The following C1orf87 variants were observed in gnomAD, a reference collection of about 807,000 sequenced individuals.
The protein encoded by C1orf87 is chromosome 1 open reading frame 87.
In C1orf87, 58 loss-of-function variants were observed where a neutral mutation model predicts 60.5. The observed-to-expected ratio is 0.96, with a 90% confidence interval of 0.78 to 1.19. The LOEUF (loss-of-function observed/expected upper bound fraction) is 1.19. C1orf87 is among the 50% of genes most tolerant of loss of function. The pLI is 0.00. For synonymous variants in C1orf87, 236 were observed against 227.4 expected, an observed-to-expected ratio of 1.04 and a Z score of -0.34; for missense variants, 673 against 638.6, an observed-to-expected ratio of 1.05 and a Z score of -0.58.
chr1:60,041,608 AG>A (rs1377369076), intron 3 of C1orf87, among the ~76,000 whole-genome samples: 8 of 152,356 alleles, frequency 5.3e-5, no homozygotes, highest in African/African-American at 1.4e-4. Context: ...TGATAGAATT[AG>A]GATCAATAAT....
At chr1:60,033,393 C>G in intron 7 of C1orf87, 83 bp downstream of exon 7, 1 of 1,289,652 alleles carries the variant, frequency 7.8e-7, no homozygotes, top group Admixed American at 2.1e-5. Context: ...GAATATGGAT[C>G]AGCCCTGTGC....
Position 60,072,536 on chromosome 1 carries a change from C to T in C1orf87, c.107+1G>A. The T allele has an allele frequency of 6.3e-7, 1 of 1,598,496 alleles. No homozygotes were observed. The highest frequency in any genetic ancestry group is 1.1e-5 in the South Asian group (1 of 89,128). The stretch of plus-strand genomic sequence containing the variant: ...TAGATATTTTTCAAATATGGACTTA[C>T]ATCTTTGGCTTCTCCACGAGGTATT... On this transcript the variant is annotated splice_donor_variant, in intron 2 of 11. Coordinates refer to ENST00000371201, the MANE Select transcript of C1orf87 (RefSeq NM_152377.3). LOFTEE classifies it high-confidence loss of function.
chr1:60,062,686 A>G (rs779117384), intron 2 of C1orf87, among the ~76,000 whole-genome samples: 6 of 151,874 alleles, frequency 4.0e-5, no homozygotes, highest in Non-Finnish European at 5.9e-5. Flanking sequence ...TCTTTTTCCC[A>G]TTGATTTGGA....
intron 6 of C1orf87, among the ~76,000 whole-genome samples, chr1:60,036,488 A>G (rs1645277980): frequency 6.6e-6 from 1 of 152,322 alleles, no homozygotes; most frequent in South Asian, 2.1e-4. Context: ...AAAATAATAA[A>G]AACACTTACA....
intron 3 of C1orf87, among the ~76,000 whole-genome samples, chr1:60,042,766 G>A (rs1348784506): frequency 6.6e-6 from 1 of 152,216 alleles, no homozygotes; most frequent in Admixed American, 6.5e-5. Context: ...ATTTATGGTT[G>A]TCTAGTTTGG....
chr1:60,025,468 A>G lies in C1orf87; in HGVS notation c.1060T>C (p.Tyr354His), dbSNP rs1645192677. The G allele has an allele frequency of 6.8e-6, 11 of 1,613,312 alleles. No homozygotes were observed. Among genetic ancestry groups the G allele is most frequent in the Non-Finnish European group, 9.3e-6 (11 of 1,179,594 alleles). The change falls in exon 8 of 12, where the codon TAT (tyrosine) becomes CAT (histidine). Residue 354 changes from tyrosine to histidine, a missense_variant. Transcript: ENST00000371201. Reference sequence around the variant, plus strand: ...GTTTCCAGCAGGCTCAGGGTCAGATATAATCCATGCTTCCCACATATAGCC... The same window carrying G: ...GTTTCCAGCAGGCTCAGGGTCAGATGTAATCCATGCTTCCCACATATAGCC... The part of the protein sequence containing the change: ...VRAICGKHGL[Y>H]LTLSLLETLL...
At chr1:60,073,217 A>T (rs1557485207) in intron 1 of C1orf87, among the ~76,000 whole-genome samples, 1 of 152,172 alleles carries the variant, frequency 6.6e-6, no homozygotes, top group Non-Finnish European at 1.5e-5. Context: ...GTTATCACTG[A>T]TCTCTTTCTA....
rs370047320 is a variant in C1orf87 at position 60,010,454 on chromosome 1, C to T, written c.1130G>A (p.Trp377Ter). 118 of 1,611,942 alleles carry T rather than the reference C, an allele frequency of 7.3e-5. No individual in the cohort carries two copies. The highest frequency in any genetic ancestry group is 9.6e-5 in the Non-Finnish European group (113 of 1,178,630). The change falls in exon 9 of 12, where the codon TGG becomes TAG. Residue 377 changes from tryptophan to a stop codon, truncating the protein, a stop_gained and splice_region_variant. Transcript: ENST00000371201. LOFTEE classifies it high-confidence loss of function. ...GGTCAGCATCTCAACAAAATTCTGC[C>T]ATCTGTGCAAGAAAAGGAAACATAA... ...QDLGYQNEIKWQNFVEMLTRA... is the reference protein window; with the variant it reads ...QDLGYQNEIK
Position 60,055,164 on chromosome 1 carries a change from T to C in C1orf87, c.342+40A>G. On this transcript the variant is annotated intron_variant, in intron 3 of 11. Transcript: ENST00000371201. ...TATGTTTTTATCTATATTTTCCTAA[T>C]AAATTATCAAGATAAACGTGGGTAT... 3 of 1,496,660 alleles carry C rather than the reference T, an allele frequency of 2.0e-6. No individual in the cohort carries two copies. In the South Asian group the frequency reaches 3.4e-5, roughly 17 times the overall value. The allele number at this position is 1,496,660 out of a possible 1,614,324, so 92.7% of individuals were successfully genotyped here. A position where few individuals can be genotyped will look rare whatever the true frequency, so the allele number is the denominator to read the frequency against.
chr1:60,022,811 ACTGTGATACCATGACAGTCAAT>A (rs1392125822), intron 8 of C1orf87, among the ~76,000 whole-genome samples: 1 of 152,164 alleles, frequency 6.6e-6, no homozygotes, highest in Non-Finnish European at 1.5e-5. Context: ...GAACACAAGC[ACTGTGATACCATGACAGTCAAT>A]CTGATAACCA....
At chr1:60,047,746 A>G (rs1264776871) in intron 3 of C1orf87, among the ~76,000 whole-genome samples, 1 of 150,578 alleles carries the variant, frequency 6.6e-6, no homozygotes, top group Non-Finnish European at 1.5e-5. Flanking sequence ...AAAAAAAAAG[A>G]GAAAACCATC....
chr1:60,054,333 C>T (rs191021694), intron 3 of C1orf87, among the ~76,000 whole-genome samples: 1 of 152,272 alleles, frequency 6.6e-6, no homozygotes, highest in Admixed American at 6.5e-5. Context: ...AAAATTTGAT[C>T]CTTTGCATGG....
In C1orf87 at chr1:60,006,588, C is replaced by G. The variant is rs1189105809; in HGVS notation, c.1192+3804G>C. On this transcript the variant is annotated intron_variant, in intron 9 of 11. Transcript: ENST00000371201. ...TCAGCAGTCATACTGGAACTCTGCT[C>G]TTTGCTTTCTGCATCCTCTTCTTCT... Among the ~76,000 whole-genome samples the G allele has an allele frequency of 2.7e-5, 4 of 148,834 alleles. No homozygotes were observed. In the East Asian group the frequency reaches 7.7e-4, roughly 29 times the overall value.
intron 10 of C1orf87, 84 bp downstream of exon 10, chr1:60,000,993 G>A (rs1644998966): frequency 8.8e-7 from 1 of 1,132,980 alleles, no homozygotes; most frequent in South Asian, 1.3e-5. Flanking sequence ...AAAACCCACA[G>A]GAGAGAGCCC....
At chr1:60,021,395 C>G (rs1051433967) in intron 8 of C1orf87, among the ~76,000 whole-genome samples, 2 of 152,104 alleles carry the variant, frequency 1.3e-5, no homozygotes, top group African/African-American at 4.8e-5. Context: ...TAAGTGTTAG[C>G]AAATAAAATG....
intron 2 of C1orf87, among the ~76,000 whole-genome samples, chr1:60,072,179 T>C (rs1645588350): frequency 6.6e-6 from 1 of 152,128 alleles, no homozygotes; most frequent in East Asian, 1.9e-4. Flanking sequence ...TCACAACAAA[T>C]TGACTATTAA....
chr1:60,038,706 T>C (rs1230275547), intron 5 of C1orf87, among the ~76,000 whole-genome samples: 2 of 152,182 alleles, frequency 1.3e-5, no homozygotes, highest in Admixed American at 1.3e-4. Flanking sequence ...AGCAGATATA[T>C]TTAGATAGAT....
chr1:60,006,359 C>G (rs912798156), intron 9 of C1orf87, among the ~76,000 whole-genome samples: 1 of 152,048 alleles, frequency 6.6e-6, no homozygotes, highest in African/African-American at 2.4e-5. Flanking sequence ...TCTATATTGT[C>G]TAAACCAATT....
chr1:60,029,934 C>T (rs920955666), intron 7 of C1orf87, among the ~76,000 whole-genome samples: 1 of 152,018 alleles, frequency 6.6e-6, no homozygotes, highest in African/African-American at 2.4e-5. Context: ...CCACCATGCC[C>T]GGTCCCCCTG....
Sources: gnomAD v4.1 joint callset for allele counts (sites outside exome capture counted in the v4.1 genomes callset) on GRCh38, gnomAD v4.1.1 for gene constraint, MANE v1.5 for transcripts, NCBI Gene and HGNC (gene_info 2026-07-23, HGNC 2026-07-21) for gene names.